Variants in ADAMTS10 observed in about 807,000 individuals in gnomAD.
The protein encoded by ADAMTS10 is A disintegrin and metalloproteinase with thrombospondin motifs 10.
ADAMTS10 carries 48 observed loss-of-function variants against 135.9 expected under a neutral mutation model. The ratio of observed to expected loss-of-function variants is 0.35; its 90% CI spans 0.28 to 0.45. The LOEUF (loss-of-function observed/expected upper bound fraction) is 0.45. ADAMTS10 is among the 20% of genes least tolerant of loss of function. The pLI is 1.00. For synonymous variants in ADAMTS10, 621 were observed against 647.5 expected (o/e 0.96, Z 0.62); for missense variants, 1,131 against 1,565.2 (o/e 0.72, Z 4.68).
Position 8,596,483 on chromosome 19 carries a change from C to T in ADAMTS10, c.1084+59G>A, listed in dbSNP as rs1267508162. The T allele has an allele frequency of 1.9e-6, 3 of 1,612,692 alleles. No individual in the cohort carries two copies. In the African/African-American group the frequency reaches 4.0e-5, roughly 22 times the overall value. ...GTGCTGGCTGGCCCCATCCACCTGC[C>T]AGGTCTCACCCCAGCCCACTGCCTT... On this transcript the variant is annotated intron_variant, in intron 9 of 25. Transcript: ENST00000597188. The surrounding 1 kb of genome is among the most constrained non-coding windows in gnomAD (Gnocchi z 7.2).
chr19:8,590,011 G>A lies in ADAMTS10; in HGVS notation c.1798-20C>T. On this transcript the variant is annotated intron_variant, in intron 15 of 25. Coordinates refer to ENST00000597188, the MANE Select transcript of ADAMTS10 (RefSeq NM_030957.4). ...ACAGTCCTGGGGGCAGGAGAGGAGAGATGGAGGGAGGCCAGGCTTGGGGGG... is the reference window on the plus strand; with the variant it reads ...ACAGTCCTGGGGGCAGGAGAGGAGAAATGGAGGGAGGCCAGGCTTGGGGGG... The A allele has an allele frequency of 6.3e-7, 1 of 1,585,006 alleles. No homozygotes were observed. Among genetic ancestry groups the A allele is most frequent in the Non-Finnish European group, 8.7e-7 (1 of 1,155,760 alleles).
rs782137080 is a variant in ADAMTS10, at chr19:8,596,180, C to T, written c.1230G>A (p.Gly410=). The change falls in exon 11 of 26, where the codon GGG becomes GGA. Residue 410 remains glycine (G), a synonymous_variant. Coordinates refer to ENST00000597188, the MANE Select transcript of ADAMTS10 (RefSeq NM_030957.4). This position sits in a 1 kb window ranked among gnomAD's most constrained non-coding sequence, Gnocchi z 7.2. ...MNHDGVGNSC[G]ARGQDPAKLM... The stretch of plus-strand genomic sequence containing the variant: ...GCTTGGCTGGGTCCTGACCACGGGC[C>T]CCACAGCTGTTTCCCACGCCGTCAT... The T allele has an allele frequency of 5.0e-6, 8 of 1,614,004 alleles. No homozygotes were observed. Among genetic ancestry groups the T allele is most frequent in the Non-Finnish European group, 6.8e-6 (8 of 1,180,028 alleles).
chr19:8,602,391 T>C (rs1439443877), intron 5 of ADAMTS10, among the ~76,000 whole-genome samples: 2 of 152,224 alleles, frequency 1.3e-5, no homozygotes, highest in African/African-American at 2.4e-5. Context: ...AAATCTCAAC[T>C]CACCGCAACC....
Position 8,596,337 on chromosome 19 carries a change from G to A in ADAMTS10, c.1160C>T (p.Ala387Val). The A allele has an allele frequency of 6.2e-7, 1 of 1,612,782 alleles. No homozygotes were observed. Among genetic ancestry groups the A allele is most frequent in the South Asian group, 1.1e-5 (1 of 91,036 alleles). ...CCCGATCTCGTGGGCAATGGTGAAC[G>A]CTGTGGCCAGGCCAATGTCCTCATT... Reference protein sequence around the residue: ...SVNEDIGLATAFTIAHEIGHT... With the variant: ...SVNEDIGLATVFTIAHEIGHT... Residue 387 changes from alanine to valine, a missense_variant, in exon 10 of 26, where the codon GCG (alanine) becomes GTG (valine). Physicochemically the swap from Ala to Val is moderately conservative, Grantham distance 64 (BLOSUM62 0). Transcript: ENST00000597188. The surrounding 1 kb of genome is among the most constrained non-coding windows in gnomAD (Gnocchi z 7.2).
Position 8,585,173 on chromosome 19 carries a change from G to C in ADAMTS10, c.3001C>G (p.Arg1001Gly). ...GCCACCCAGCGGGCCGGGGGGCAGCGGCGCAAGTTGCAGCGCATGGTGGCC... is the reference window on the plus strand; with the variant it reads ...GCCACCCAGCGGGCCGGGGGGCAGCCGCGCAAGTTGCAGCGCATGGTGGCC... ...PPATMRCNLRRCPPARWVAGE... is the reference protein window; with the variant it reads ...PPATMRCNLRGCPPARWVAGE... The change falls in exon 24 of 26, where the codon CGC (arginine) becomes GGC (glycine). Residue 1001 changes from arginine (R) to glycine (G), a missense_variant. Arg to Gly is a moderately radical substitution (Grantham distance 125). Coordinates refer to ENST00000597188, the MANE Select transcript of ADAMTS10 (RefSeq NM_030957.4). The C allele has an allele frequency of 7.1e-7, 1 of 1,410,204 alleles. No individual in the cohort carries two copies. The highest frequency in any genetic ancestry group is 9.2e-7 in the Non-Finnish European group (1 of 1,087,810). 87.4% of individuals were successfully genotyped at this position (1,410,204 alleles called of 1,614,324 possible). A position where few individuals can be genotyped will look rare whatever the true frequency, so the allele number is the denominator to read the frequency against.
intron 16 of ADAMTS10, 138 bp from the exon 17 acceptor site, chr19:8,589,723 C>A: frequency 6.8e-7 from 1 of 1,466,558 alleles, no homozygotes; most frequent in East Asian, 2.4e-5. Flanking sequence ...GTGGGGGCTC[C>A]CAGCGTCACG....
chr19:8,585,807 G>A, intron 22 of ADAMTS10, 147 bp from the exon 23 acceptor site: 1 of 891,536 alleles, frequency 1.1e-6, no homozygotes, highest in Non-Finnish European at 1.8e-6. Context: ...CCACACTTGG[G>A]GCATCGTTAG....
intron 12 of ADAMTS10, 177 bp downstream of exon 12, chr19:8,595,585 C>T (rs2042592892): frequency 1.0e-6 from 1 of 955,978 alleles, no homozygotes; most frequent in Non-Finnish European, 1.6e-6. Context: ...TTGCTTAGGA[C>T]ATTTTGCACA....
chr19:8,581,125 AT>A, intron 25 of ADAMTS10, 123 bp from the exon 26 acceptor site: 1 of 230,696 alleles, frequency 4.3e-6, no homozygotes, highest in Non-Finnish European at 7.2e-6. Flanking sequence ...TTCTTTTTAA[AT>A]TTACTTTTTT....
In ADAMTS10 at chr19:8,586,727, G is replaced by A. The variant is rs1555737343; in HGVS notation, c.2240-6C>T. 1 of 1,614,062 alleles carries A rather than the reference G, an allele frequency of 6.2e-7. No homozygotes were observed. The highest frequency in any genetic ancestry group is 1.1e-5 in the South Asian group (1 of 91,080). On this transcript the variant is annotated splice_region_variant and splice_polypyrimidine_tract_variant and intron_variant, in intron 19 of 25. Coordinates refer to ENST00000597188, the MANE Select transcript of ADAMTS10 (RefSeq NM_030957.4). ...CTCCTGGTCTCCCTTCAGGGCTGGGGGACGATGCAGGGTTCAGAATTCTAG... is the reference window on the plus strand; with the variant it reads ...CTCCTGGTCTCCCTTCAGGGCTGGGAGACGATGCAGGGTTCAGAATTCTAG...
intron 18 of ADAMTS10, among the ~76,000 whole-genome samples, chr19:8,588,711 A>T (rs1419986432): frequency 2.0e-5 from 3 of 152,114 alleles, no homozygotes; most frequent in African/African-American, 7.2e-5. Context: ...CAGAGGATGG[A>T]AAGTGATGCT....
chr19:8,596,267 G>GCTCCTCCC lies in ADAMTS10; in HGVS notation c.1190+32_1190+39dup. On this transcript the variant is annotated intron_variant, in intron 10 of 25. Coordinates refer to ENST00000597188, the MANE Select transcript of ADAMTS10 (RefSeq NM_030957.4). The surrounding 1 kb of genome is among the most constrained non-coding windows in gnomAD (Gnocchi z 7.2). ...TGCCGGGCGCTGAGGGACCCGCCCA[G>GCTCCTCCC]CTCCTCCCCTCCTCCCCCTCTTGTG... 6.2e-7 allele frequency: 1 copy of GCTCCTCCC among 1,612,800 alleles called. No homozygotes were observed. Among genetic ancestry groups the GCTCCTCCC allele is most frequent in the Non-Finnish European group, 8.5e-7 (1 of 1,180,014 alleles).
At position 8,595,820 on chromosome 19, in the gene ADAMTS10, T is replaced by A; in HGVS notation, c.1421A>T (p.Asp474Val). ...YPTVAPGQAY[D>V]ADEQCRFQHG... ...CTGAAAGCGGCATTGCTCATCTGCA[T>A]CGTAGGCTTGGCCCGGTGCCACTGT... Residue 474 changes from aspartate to valine, a missense_variant, in exon 12 of 26, where the codon GAT (aspartate) becomes GTT (valine). Around this residue, in one of 3 missense-constraint regions of ADAMTS10, gnomAD observed 745 missense variants for 1,056.3 expected, o/e 0.71. Coordinates refer to ENST00000597188, the MANE Select transcript of ADAMTS10 (RefSeq NM_030957.4). 1 of 1,613,982 alleles carries A rather than the reference T, an allele frequency of 6.2e-7. No homozygotes were observed. Among genetic ancestry groups the A allele is most frequent in the Non-Finnish European group, 8.5e-7 (1 of 1,179,918 alleles).
chr19:8,609,627 G>A (rs1600126068), intron 1 of ADAMTS10, among the ~76,000 whole-genome samples: 1 of 152,052 alleles, frequency 6.6e-6, no homozygotes, highest in African/African-American at 2.4e-5. Context: ...GCCTGCGGGA[G>A]GAGGGGGCCG....
intron 6 of ADAMTS10, among the ~76,000 whole-genome samples, chr19:8,598,389 C>G (rs1381387170): frequency 6.6e-6 from 1 of 151,538 alleles, no homozygotes; most frequent in Non-Finnish European, 1.5e-5. Flanking sequence ...TCTGAAGGTA[C>G]CAATTTGCCC....
Position 8,589,775 on chromosome 19 carries a change from CG to C in ADAMTS10, c.1900+113del. 3 of 1,414,758 alleles carry C rather than the reference CG, an allele frequency of 2.1e-6. No individual in the cohort carries two copies. The South Asian group carries it at 3.6e-5, about 17-fold the overall frequency. The allele number at this position is 1,414,758 out of a possible 1,614,324, so 87.6% of individuals were successfully genotyped here. A position where few individuals can be genotyped will look rare whatever the true frequency, so the allele number is the denominator to read the frequency against. Reference sequence around the variant, plus strand: ...CCGTATCCCAGGTACTCTGTCTCCCCGGGTGGGGACAGGGCTCAGGGCAGAC... The same window carrying C: ...CCGTATCCCAGGTACTCTGTCTCCCCGGTGGGGACAGGGCTCAGGGCAGAC... On this transcript the variant is annotated intron_variant, in intron 16 of 25. Transcript: ENST00000597188.
chr19:8,605,638 C>T lies in ADAMTS10; in HGVS notation c.73G>A (p.Ala25Thr), dbSNP rs121434358. Residue 25 changes from alanine (A) to threonine (T), a missense_variant, in exon 3 of 26, where the codon GCC becomes ACC. Ala to Thr is a moderately conservative substitution (Grantham distance 58, BLOSUM62 0). Transcript: ENST00000597188. This position sits in a 1 kb window ranked among gnomAD's most constrained non-coding sequence, Gnocchi z 7.7. Reference protein sequence around the residue: ...GLGLMFEVTHAFRSQDEFLSS... With the variant: ...GLGLMFEVTHTFRSQDEFLSS... ...CTTCCCCTACCTTGAGACCGGAAGG[C>T]GTGCGTGACCTCGAACATGAGGCCC... is the stretch of plus-strand genomic sequence containing the variant. 87 of 1,613,504 alleles carry T rather than the reference C, an allele frequency of 5.4e-5. 1 individual carries two copies. Among genetic ancestry groups the T allele is most frequent in the Admixed American group, 5.0e-5 (3 of 59,976 alleles).
chr19:8,585,074 A>G lies in ADAMTS10; in HGVS notation c.3043-20T>C. 1 of 1,510,550 alleles carries G rather than the reference A, an allele frequency of 6.6e-7. No homozygotes were observed. Among genetic ancestry groups the G allele is most frequent in the Non-Finnish European group, 8.8e-7 (1 of 1,132,014 alleles). The allele number at this position is 1,510,550 out of a possible 1,614,324, so 93.6% of individuals were successfully genotyped here. On this transcript the variant is annotated intron_variant, in intron 24 of 25. Coordinates refer to ENST00000597188, the MANE Select transcript of ADAMTS10 (RefSeq NM_030957.4). ...AGAGCACTGCGAGGGGGCACCACTC[A>G]GTTGCTGCCCCGCAGCCCCTGCCCT...
chr19:8,609,166 G>C (rs1555743099), intron 1 of ADAMTS10, among the ~76,000 whole-genome samples: 1 of 149,650 alleles, frequency 6.7e-6, no homozygotes, highest in Non-Finnish European at 1.5e-5. Flanking sequence ...ATGTGAGTGT[G>C]TGTGACCCTG....
Sources: gnomAD v4.1 joint callset for allele counts (sites outside exome capture counted in the v4.1 genomes callset) on GRCh38, gnomAD v4.1.1 for gene constraint, gnomAD v4.1.1 regional missense constraint, Gnocchi (gnomAD v3.1) non-coding constraint, MANE v1.5 for transcripts, NCBI Gene and HGNC (gene_info 2026-07-23, HGNC 2026-07-21) for gene names.